Variants in LDLRAD4 observed in about 807,000 individuals in gnomAD.
LDLRAD4 encodes low density lipoprotein receptor class A domain containing 4, also known as low-density lipoprotein receptor class A domain-containing protein 4.
Under a neutral mutation model 17.0 loss-of-function variants are expected in LDLRAD4, and 5 were observed. That is an observed-to-expected ratio of 0.29 (90% CI 0.15 to 0.62). LDLRAD4 has a LOEUF of 0.62. LDLRAD4 is among the 20% of genes least tolerant of loss of function. The probability of loss-of-function intolerance (pLI) is 0.84; values close to 1 mark genes in which losing one functional copy is unlikely to be tolerated. For synonymous variants in LDLRAD4, 168 were observed against 171.8 expected, an observed-to-expected ratio of 0.98 and a Z score of 0.17; for missense variants, 340 against 424.7, an observed-to-expected ratio of 0.80 and a Z score of 1.75.
rs574490443 is a variant in LDLRAD4 at position 13,453,513 on chromosome 18, T to A, written c.181+15129T>A. ...CGGCAAGGAAGGCAGGTTTGATCCC[T>A]GGAGTCACTTGTGACGCAAAAAAAA... On this transcript the variant is annotated intron_variant, in intron 3 of 5. Coordinates refer to ENST00000359446, the Ensembl canonical transcript of LDLRAD4. 2.6e-5 allele frequency among the ~76,000 whole-genome samples: 4 copies of A among 152,076 alleles called. No homozygotes were observed. In the South Asian group the frequency reaches 8.3e-4, roughly 32 times the overall value.
intron 2 of LDLRAD4, among the ~76,000 whole-genome samples, chr18:13,428,548 C>T (rs1486871641): frequency 2.0e-5 from 3 of 152,154 alleles, no homozygotes; most frequent in Non-Finnish European, 4.4e-5. Context: ...ACTTCCATCT[C>T]AGCAGGAACA....
chr18:13,582,780 A>T (rs1022416648), intron 3 of LDLRAD4, among the ~76,000 whole-genome samples: 1 of 152,200 alleles, frequency 6.6e-6, no homozygotes, highest in African/African-American at 2.4e-5. Context: ...TTGCACGAGA[A>T]TAGCTCACTG....
rs535954969 is a variant in LDLRAD4 at position 13,449,160 on chromosome 18, T to C, written c.181+10776T>C. 3.9e-5 allele frequency among the ~76,000 whole-genome samples: 6 copies of C among 152,358 alleles called. No homozygotes were observed. In the East Asian group the frequency reaches 1.2e-3, roughly 29 times the overall value. On this transcript the variant is annotated intron_variant, in intron 3 of 5. Transcript: ENST00000359446. ...AAGAAAGAAATCTTGTTTCAGGAGT[T>C]TGCAGTAGTGAGCAGCGAGTGAGTC...
chr18:13,495,618 C>T (rs1162800123), intron 3 of LDLRAD4, among the ~76,000 whole-genome samples: 1 of 152,182 alleles, frequency 6.6e-6, no homozygotes, highest in Non-Finnish European at 1.5e-5. Flanking sequence ...AATCTTCCCT[C>T]AGCTGCCTTG....
At chr18:13,618,046 T>C (rs1361871659) in intron 3 of LDLRAD4, among the ~76,000 whole-genome samples, 4 of 152,198 alleles carry the variant, frequency 2.6e-5, no homozygotes, top group African/African-American at 4.8e-5. Context: ...CATGCAATTT[T>C]GTGGTCATAA....
chr18:13,533,703 A>G (rs1215047822), intron 3 of LDLRAD4, among the ~76,000 whole-genome samples: 1 of 152,212 alleles, frequency 6.6e-6, no homozygotes, highest in African/African-American at 2.4e-5. Flanking sequence ...ATATCACATT[A>G]TGTATATAGT....
At chr18:13,266,614 C>T (rs770131901) in intron 1 of LDLRAD4, among the ~76,000 whole-genome samples, 1 of 152,252 alleles carries the variant, frequency 6.6e-6, no homozygotes, top group African/African-American at 2.4e-5. Context: ...GCATAGTGAC[C>T]GTCTTAGGCA....
chr18:13,577,348 C>T (rs2094789025), intron 3 of LDLRAD4, among the ~76,000 whole-genome samples: 1 of 152,076 alleles, frequency 6.6e-6, no homozygotes, highest in South Asian at 2.1e-4. Context: ...GGATTGAGGA[C>T]CCTGCAGCGG....
chr18:13,362,517 C>T (rs988881459), intron 1 of LDLRAD4: 2 of 152,360 alleles, frequency 1.3e-5, no homozygotes, highest in East Asian at 1.9e-4. Flanking sequence ...GCCAGCAGGG[C>T]AGCCATGCGG....
intron 3 of LDLRAD4, among the ~76,000 whole-genome samples, chr18:13,512,025 T>C (rs1053150486): frequency 6.6e-6 from 1 of 152,190 alleles, no homozygotes. Flanking sequence ...GCATAGAAAT[T>C]AAGTTTCTAA....
At chr18:13,312,310 A>T (rs2047283312) in intron 1 of LDLRAD4, among the ~76,000 whole-genome samples, 1 of 152,224 alleles carries the variant, frequency 6.6e-6, no homozygotes, top group South Asian at 2.1e-4. Flanking sequence ...CTTCTGCCTC[A>T]TCCTGAAGAT....
chr18:13,500,373 G>C (rs1335137478), intron 3 of LDLRAD4, among the ~76,000 whole-genome samples: 2 of 152,220 alleles, frequency 1.3e-5, no homozygotes, highest in African/African-American at 4.8e-5. Flanking sequence ...CTCATTGCAG[G>C]ACAGCACTGG....
chr18:13,361,735 T>C (rs527969718), intron 1 of LDLRAD4, among the ~76,000 whole-genome samples: 1 of 152,260 alleles, frequency 6.6e-6, no homozygotes, highest in East Asian at 1.9e-4. Flanking sequence ...CAACAGTTTG[T>C]AGGATGAGAA....
intron 3 of LDLRAD4, among the ~76,000 whole-genome samples, chr18:13,565,846 C>T (rs1460709476): frequency 1.3e-5 from 2 of 152,118 alleles, no homozygotes; most frequent in South Asian, 2.1e-4. Flanking sequence ...TTGGACGGGG[C>T]CTTAAGGAGT....
chr18:13,583,366 C>A (rs972632472), intron 3 of LDLRAD4, among the ~76,000 whole-genome samples: 1 of 152,114 alleles, frequency 6.6e-6, no homozygotes, highest in Non-Finnish European at 1.5e-5. Flanking sequence ...CTGGGGCGGC[C>A]TCCTGATGGC....
At chr18:13,230,327 A>G (rs922497888) in intron 1 of LDLRAD4, among the ~76,000 whole-genome samples, 15 of 152,232 alleles carry the variant, frequency 9.9e-5, no homozygotes, top group Non-Finnish European at 1.6e-4. Flanking sequence ...GGACTGAGAC[A>G]TAGACCTCGG....
At chr18:13,268,199 G>C (rs962461675) in intron 1 of LDLRAD4, among the ~76,000 whole-genome samples, 2 of 152,078 alleles carry the variant, frequency 1.3e-5, no homozygotes, top group East Asian at 1.9e-4. Context: ...TGCCCACTCC[G>C]CCTCCCCTGC....
At chr18:13,485,552 T>C (rs2093202517) in intron 3 of LDLRAD4, among the ~76,000 whole-genome samples, 1 of 152,228 alleles carries the variant, frequency 6.6e-6, no homozygotes, top group South Asian at 2.1e-4. Context: ...CTGCCCCTGC[T>C]GCTCTGAACC....
upstream of LDLRAD4, among the ~76,000 whole-genome samples, chr18:13,277,457 T>C (rs1050208356): frequency 2.6e-5 from 4 of 152,152 alleles, no homozygotes; most frequent in South Asian, 4.1e-4. Flanking sequence ...TCAGTTGGGA[T>C]GGGGATGCCA....
Sources: gnomAD v4.1 joint callset for allele counts (sites outside exome capture counted in the v4.1 genomes callset) on GRCh38, gnomAD v4.1.1 for gene constraint, MANE v1.5 for transcripts, NCBI Gene and HGNC (gene_info 2026-07-23, HGNC 2026-07-21) for gene names.